Variants in EYS observed in about 807,000 individuals in gnomAD.
EYS encodes protein eyes shut homolog.
EYS carries 250 observed loss-of-function variants against 282.1 expected under a neutral mutation model. The observed-to-expected ratio is 0.89, with a 90% CI of 0.80 to 0.98. The LOEUF (loss-of-function observed/expected upper bound fraction) is 0.98, where lower values mean the gene tolerates loss of function less well. Ranked by LOEUF, EYS falls within the 50% of genes least tolerant of loss-of-function variation. The pLI is 0.00. For synonymous variants in EYS, 1,355 were observed against 1,282.9 expected (o/e 1.06, Z -1.20); for missense variants, 4,016 against 3,709.0 (o/e 1.08, Z -2.15).
intron 2 of EYS, among the ~76,000 whole-genome samples, chr6:65,611,471 A>G (rs1425349600): frequency 6.6e-6 from 1 of 151,982 alleles, no homozygotes; most frequent in Non-Finnish European, 1.5e-5. Flanking sequence ...TCTTAGTTTT[A>G]TGTTTAGTTT....
chr6:64,601,214 A>G (rs1766749670), intron 24 of EYS, among the ~76,000 whole-genome samples: 1 of 152,114 alleles, frequency 6.6e-6, no homozygotes, highest in Non-Finnish European at 1.5e-5. Flanking sequence ...TATATTCAAA[A>G]AGGCTATAAA....
chr6:65,271,128 T>TTATATATATCTATATATA (rs1554174615), intron 12 of EYS, among the ~76,000 whole-genome samples: 3 of 55,784 alleles, frequency 5.4e-5, no homozygotes, highest in Non-Finnish European at 1.1e-4. Flanking sequence ...AATCAATAGA[T>TTATATATATCTATATATA]TATATATATA....
rs933169926 is a variant in EYS, at chr6:63,721,425, G to C, written c.8606C>G (p.Ser2869Ter). ...QLTEFGAKGG[S>*]NVGDCDGTAC... Reference sequence around the variant, plus strand: ...TGTCCCATCACAGTCACCTACATTTGAGCCACCTTTTGCTCCAAATTCAGT... The same window carrying C: ...TGTCCCATCACAGTCACCTACATTTCAGCCACCTTTTGCTCCAAATTCAGT... The change falls in exon 43 of 43, where the codon TCA (serine) becomes TGA (stop). Residue 2869 changes from serine (S) to a stop codon, truncating the protein, a stop_gained. Transcript: ENST00000503581. LOFTEE classifies it low-confidence loss of function (END_TRUNC). The C allele has an allele frequency of 1.5e-5, 24 of 1,551,508 alleles. No individual in the cohort carries two copies. Among genetic ancestry groups the C allele is most frequent in the Non-Finnish European group, 2.1e-5 (24 of 1,146,942 alleles).
intron 12 of EYS, among the ~76,000 whole-genome samples, chr6:65,095,253 C>A (rs1174322449): frequency 6.6e-6 from 1 of 150,802 alleles, no homozygotes; most frequent in Non-Finnish European, 1.5e-5. Flanking sequence ...TACCAGAGGC[C>A]GTAGTATTGG....
chr6:64,080,107 G>A (rs550983107), intron 32 of EYS, among the ~76,000 whole-genome samples: 1 of 152,256 alleles, frequency 6.6e-6, no homozygotes, highest in African/African-American at 2.4e-5. Flanking sequence ...TGGGTCAAAT[G>A]GTATTTCTAG....
At chr6:63,859,529 A>G (rs905950633) in intron 36 of EYS, among the ~76,000 whole-genome samples, 2 of 152,220 alleles carry the variant, frequency 1.3e-5, no homozygotes, top group South Asian at 4.1e-4. Flanking sequence ...AAAGAGAGCA[A>G]GAGATAACGC....
intron 28 of EYS, among the ~76,000 whole-genome samples, chr6:64,395,216 C>A (rs1432953420): frequency 2.0e-5 from 3 of 152,078 alleles, no homozygotes; most frequent in Non-Finnish European, 2.9e-5. Flanking sequence ...TTGTGGAAGT[C>A]AGTGTGGCGA....
intron 2 of EYS, among the ~76,000 whole-genome samples, chr6:65,559,650 A>G (rs1374188696): frequency 1.3e-5 from 2 of 152,192 alleles, no homozygotes; most frequent in Non-Finnish European, 2.9e-5. Flanking sequence ...TATAGTTTAC[A>G]TCATCAAATA....
At chr6:65,612,095 A>C (rs1285625845) in intron 2 of EYS, among the ~76,000 whole-genome samples, 2 of 151,822 alleles carry the variant, frequency 1.3e-5, no homozygotes, top group Non-Finnish European at 2.9e-5. Context: ...AAAATATATT[A>C]AATTATTTAG....
At chr6:65,284,406 CTGT>C (rs1392648195) in intron 12 of EYS, among the ~76,000 whole-genome samples, 1 of 151,926 alleles carries the variant, frequency 6.6e-6, no homozygotes, top group Non-Finnish European at 1.5e-5. Context: ...AAGTCAGAAG[CTGT>C]TAAGTATACC....
At chr6:64,430,102 C>T (rs1489983923) in intron 28 of EYS, among the ~76,000 whole-genome samples, 2 of 152,156 alleles carry the variant, frequency 1.3e-5, no homozygotes, top group African/African-American at 4.8e-5. Context: ...TGACACATGT[C>T]CTGTTCTTGG....
intron 5 of EYS, among the ~76,000 whole-genome samples, chr6:65,488,464 A>G (rs1161335837): frequency 1.3e-5 from 2 of 152,204 alleles, no homozygotes; most frequent in Non-Finnish European, 2.9e-5. Context: ...CCACTGCTCA[A>G]GGAAATAAGA....
At chr6:64,907,714 C>T (rs1767874869) in intron 16 of EYS, among the ~76,000 whole-genome samples, 1 of 152,112 alleles carries the variant, frequency 6.6e-6, no homozygotes, top group Non-Finnish European at 1.5e-5. Flanking sequence ...TCAGCATCAA[C>T]TCTAAAGAAG....
chr6:64,296,617 TTTTTTTTG>T (rs1769036713), intron 30 of EYS, among the ~76,000 whole-genome samples: 1 of 13,688 alleles, frequency 7.3e-5, no homozygotes, highest in African/African-American at 1.7e-4. Flanking sequence ...TTTTTTTTTT[TTTTTTTTG>T]AGACGGAATC....
chr6:63,893,356 G>GA (rs1773455649), intron 35 of EYS, among the ~76,000 whole-genome samples: 1 of 152,126 alleles, frequency 6.6e-6, no homozygotes. Context: ...ATTGGATAAA[G>GA]AAAATGTGGT....
intron 26 of EYS, among the ~76,000 whole-genome samples, chr6:64,550,084 G>T (rs1001614300): frequency 1.3e-5 from 2 of 152,158 alleles, no homozygotes; most frequent in Admixed American, 6.5e-5. Flanking sequence ...TTTTATGGCT[G>T]CATAGTATTC....
intron 31 of EYS, among the ~76,000 whole-genome samples, chr6:64,198,157 C>A (rs1204582125): frequency 7.1e-6 from 1 of 141,602 alleles, no homozygotes; most frequent in Non-Finnish European, 1.5e-5. Flanking sequence ...CACGGCCGGC[C>A]CGGCTAATTT....
In EYS at chr6:63,778,103, T is replaced by G; in HGVS notation, c.7801A>C (p.Asn2601His). The G allele has an allele frequency of 1.3e-6, 2 of 1,551,782 alleles. No homozygotes were observed. The highest frequency in any genetic ancestry group is 1.7e-6 in the Non-Finnish European group (2 of 1,146,946). ...CACTGGCCAACACTGCGTCCAGCAT[T>G]TGGGTGGCCCTCAGGATTTCCCAGT... ...RGLGNPEGHPNAGRSVGQCHA... is the reference protein window; with the variant it reads ...RGLGNPEGHPHAGRSVGQCHA... Residue 2601 changes from asparagine to histidine, a missense_variant, in exon 40 of 43, where the codon AAT becomes CAT. Coordinates refer to ENST00000503581, the MANE Select transcript of EYS (RefSeq NM_001142800.2).
At chr6:63,928,249 T>A (rs116595578) in intron 35 of EYS, among the ~76,000 whole-genome samples, 1,696 of 152,288 alleles carry the variant, frequency 0.011, 30 homozygotes, top group African/African-American at 0.039. Context: ...CTATGACTCT[T>A]CTACAGTGTT....
Sources: allele counts gnomAD v4.1 joint callset (sites outside exome capture counted in the v4.1 genomes callset), GRCh38; gene constraint gnomAD v4.1.1; transcripts MANE v1.5; gene names NCBI Gene and HGNC (gene_info 2026-07-23, HGNC 2026-07-21).